The following MACROD2 variants were observed in gnomAD, a reference collection of about 807,000 sequenced individuals.
MACROD2 encodes the protein mono-ADP ribosylhydrolase 2.
A neutral mutation model predicts 70.4 loss-of-function variants in MACROD2; 36 were observed. The observed-to-expected ratio is 0.51, with a 90% CI of 0.39 to 0.68. MACROD2 has a LOEUF of 0.68. Among genes scored for constraint, MACROD2 ranks in the 30% least tolerant of loss-of-function variants. The pLI, the probability that MACROD2 is intolerant of heterozygous loss-of-function variation, is 0.00. For synonymous variants in MACROD2, 172 were observed against 178.8 expected (o/e 0.96, Z 0.30); for missense variants, 496 against 538.4 (o/e 0.92, Z 0.78).
At chr20:15,465,201 A>G in intron 7 of MACROD2, among the ~76,000 whole-genome samples, 1 of 152,252 alleles carries the variant, frequency 6.6e-6, no homozygotes, top group South Asian at 2.1e-4. Context: ...GTGCCTTTAT[A>G]AGAAGAATGA....
intron 5 of MACROD2, among the ~76,000 whole-genome samples, chr20:14,861,520 C>T (rs2073316809): frequency 6.6e-6 from 1 of 152,026 alleles, no homozygotes. Flanking sequence ...TGATATCCTG[C>T]TGATGCCTCC....
At chr20:15,419,600 C>G (rs1423533007) in intron 6 of MACROD2, among the ~76,000 whole-genome samples, 2 of 152,174 alleles carry the variant, frequency 1.3e-5, no homozygotes, top group Admixed American at 1.3e-4. Flanking sequence ...CTCTCAGGGT[C>G]AGTTAGGCCT....
At chr20:14,525,704 T>G (rs2123189538) in intron 4 of MACROD2, among the ~76,000 whole-genome samples, 1 of 152,362 alleles carries the variant, frequency 6.6e-6, no homozygotes, top group East Asian at 1.9e-4. Flanking sequence ...TGCCCTAATC[T>G]GCATCTTCAA....
At chr20:15,048,412 T>C (rs2075412537) in intron 5 of MACROD2, among the ~76,000 whole-genome samples, 1 of 152,120 alleles carries the variant, frequency 6.6e-6, no homozygotes, top group Non-Finnish European at 1.5e-5. Context: ...TCTCTTTGAC[T>C]GTTTCATCTC....
chr20:15,718,056 T>G (rs1220275621), intron 8 of MACROD2, among the ~76,000 whole-genome samples: 1 of 151,224 alleles, frequency 6.6e-6, no homozygotes, highest in African/African-American at 2.4e-5. Flanking sequence ...AGTTTCACTC[T>G]GTCGCCCAGG....
chr20:14,527,717 T>C (rs6135167), intron 4 of MACROD2, among the ~76,000 whole-genome samples: 33,335 of 152,180 alleles, frequency 0.22, 4,197 homozygotes, highest in South Asian at 0.33. Flanking sequence ...AAAGAGTACA[T>C]GTCTAGAAAA....
intron 3 of MACROD2, among the ~76,000 whole-genome samples, chr20:14,304,217 CTTTATG>C (rs916511432): frequency 6.6e-5 from 10 of 152,176 alleles, no homozygotes; most frequent in Admixed American, 2.6e-4. Flanking sequence ...TCCTTGGACA[CTTTATG>C]TTTATCAGAG....
chr20:14,801,519 C>T (rs2072575411), intron 5 of MACROD2, among the ~76,000 whole-genome samples: 1 of 152,088 alleles, frequency 6.6e-6, no homozygotes, highest in Non-Finnish European at 1.5e-5. Flanking sequence ...CATATTCTCA[C>T]ACCAGGAGTT....
chr20:14,810,839 T>G (rs1249873056), intron 5 of MACROD2, among the ~76,000 whole-genome samples: 1 of 152,034 alleles, frequency 6.6e-6, no homozygotes. Context: ...CCATTCACAA[T>G]TGCTACGAAG....
In MACROD2 at chr20:14,096,436, C is replaced by T. The variant is rs559742660; in HGVS notation, c.271+10708C>T. ...GGTTGGAGTGCAGTGGCACAATCTCCGCTCACCACAATATCCTCCTCCCCA... is the reference window on the plus strand; with the variant it reads ...GGTTGGAGTGCAGTGGCACAATCTCTGCTCACCACAATATCCTCCTCCCCA... On this transcript the variant is annotated intron_variant, in intron 3 of 17. Transcript: ENST00000684519. Among the ~76,000 whole-genome samples, 23 of 149,048 alleles carry T rather than the reference C, an allele frequency of 1.5e-4. 1 individual carries two copies. Among genetic ancestry groups the T allele is most frequent in the Middle Eastern group, 3.4e-3 (1 of 290 alleles).
chr20:14,554,743 A>G (rs1303855242), intron 4 of MACROD2, among the ~76,000 whole-genome samples: 5 of 152,158 alleles, frequency 3.3e-5, no homozygotes, highest in Non-Finnish European at 7.4e-5. Flanking sequence ...TTTAGTCCTT[A>G]AACAACTCTC....
intron 8 of MACROD2, among the ~76,000 whole-genome samples, chr20:15,615,425 A>C (rs1229701264): frequency 2.0e-5 from 3 of 152,192 alleles, no homozygotes; most frequent in African/African-American, 7.2e-5. Context: ...TGGTCACAAA[A>C]GGTATGTTGT....
chr20:14,639,584 A>G (rs190510806), intron 4 of MACROD2, among the ~76,000 whole-genome samples: 4 of 152,308 alleles, frequency 2.6e-5, no homozygotes, highest in Admixed American at 1.3e-4. Context: ...TACGCAATTC[A>G]GTGAGAATTT....
intron 5 of MACROD2, among the ~76,000 whole-genome samples, chr20:15,217,658 T>A (rs1262631800): frequency 6.6e-6 from 1 of 152,194 alleles, no homozygotes; most frequent in Non-Finnish European, 1.5e-5. Context: ...TTTTCTCATA[T>A]CATCTCAACC....
At chr20:14,514,677 T>TTGAACCC (rs1199831016) in intron 4 of MACROD2, among the ~76,000 whole-genome samples, 1 of 152,098 alleles carries the variant, frequency 6.6e-6, no homozygotes, top group Non-Finnish European at 1.5e-5. Flanking sequence ...ACTAATCCTG[T>TTGAACCC]TGAACCCAGA....
chr20:16,034,857 A>G (rs1232375276), intron 15 of MACROD2, among the ~76,000 whole-genome samples: 1 of 151,154 alleles, frequency 6.6e-6, no homozygotes. Context: ...CATCATTCTT[A>G]TGCCTTTGCG....
intron 3 of MACROD2, among the ~76,000 whole-genome samples, chr20:14,304,315 T>A (rs2082501397): frequency 6.6e-6 from 1 of 152,190 alleles, no homozygotes; most frequent in Admixed American, 6.5e-5. Flanking sequence ...GACTGCTTCC[T>A]CCCTTGATGT....
At position 15,144,348 on chromosome 20, in the gene MACROD2, G is replaced by T. The variant is rs376918760; in HGVS notation, c.419-85592G>T. ...TTGTTCATGTCAGGATAGTGTGATG[G>T]GTTTACTCAAGCAGCCACAAAAGAA... On this transcript the variant is annotated intron_variant, in intron 5 of 17. Coordinates refer to ENST00000684519, the MANE Select transcript of MACROD2 (RefSeq NM_001351661.2). Among the ~76,000 whole-genome samples the T allele has an allele frequency of 9.0e-4, 137 of 152,142 alleles. 3 individuals are homozygous for T. The South Asian group carries it at 0.027, about 30-fold the overall frequency.
intron 8 of MACROD2, among the ~76,000 whole-genome samples, chr20:15,767,689 C>G (rs1259893162): frequency 6.6e-6 from 1 of 152,136 alleles, no homozygotes; most frequent in Non-Finnish European, 1.5e-5. Flanking sequence ...TGTTTACAAG[C>G]CAAATATTTC....
Sources: gnomAD v4.1 joint callset for allele counts (sites outside exome capture counted in the v4.1 genomes callset) on GRCh38, gnomAD v4.1.1 for gene constraint, MANE v1.5 for transcripts, NCBI Gene and HGNC (gene_info 2026-07-23, HGNC 2026-07-21) for gene names.